Variants in VDAC1 observed in about 807,000 individuals in gnomAD.
The protein encoded by VDAC1 is non-selective voltage-gated ion channel VDAC1.
VDAC1 carries 10 observed loss-of-function variants against 34.7 expected under a neutral mutation model. The ratio of observed to expected loss-of-function variants is 0.29; its 90% CI spans 0.18 to 0.49. The LOEUF is 0.49. Among genes scored for constraint, VDAC1 ranks in the 20% least tolerant of loss-of-function variants. The probability of loss-of-function intolerance (pLI) is 0.99; values close to 1 mark genes in which losing one functional copy is unlikely to be tolerated. For missense variants in VDAC1, 230 were observed against 347.9 expected, an observed-to-expected ratio of 0.66 and a Z score of 2.69; for synonymous variants, 130 against 136.0, an observed-to-expected ratio of 0.96 and a Z score of 0.30.
At chr5:134,093,240 C>T in the VDAC1 span, among the ~76,000 whole-genome samples, 1 of 152,188 alleles carries the variant, frequency 6.6e-6, no homozygotes. Context: ...CCCTTGGCTT[C>T]CTAGAATGGG....
chr5:134,039,536 A>G, the VDAC1 span, among the ~76,000 whole-genome samples: 39 of 152,046 alleles, frequency 2.6e-4, no homozygotes, highest in South Asian at 6.2e-4. Context: ...TCACCGTGTT[A>G]GCCAGGATGG....
At chr5:134,018,287 A>G in the VDAC1 span, among the ~76,000 whole-genome samples, 1 of 152,200 alleles carries the variant, frequency 6.6e-6, no homozygotes, top group South Asian at 2.1e-4. Context: ...TCCTTCAAAC[A>G]ACCAGCTCTA....
intron 5 of VDAC1, chr5:133,989,386 G>A (rs1406803203): frequency 6.7e-6 from 1 of 148,892 alleles, no homozygotes; most frequent in Admixed American, 6.7e-5. Flanking sequence ...TGGAGACAGA[G>A]TCTCTCTCTG....
At chr5:134,046,647 C>A in the VDAC1 span, among the ~76,000 whole-genome samples, 2 of 152,176 alleles carry the variant, frequency 1.3e-5, no homozygotes, top group Admixed American at 1.3e-4. Context: ...ATGGGCTTGA[C>A]CAAGGGCCAG....
At chr5:134,100,211 CCAG>C in the VDAC1 span, among the ~76,000 whole-genome samples, 1 of 152,180 alleles carries the variant, frequency 6.6e-6, no homozygotes, top group African/African-American at 2.4e-5. Flanking sequence ...GGGCTGGTCT[CCAG>C]GAGGAGGAGG....
the VDAC1 span, among the ~76,000 whole-genome samples, chr5:134,043,345 G>A: frequency 1.2e-4 from 18 of 152,082 alleles, no homozygotes; most frequent in East Asian, 1.9e-4. Flanking sequence ...GCAAAGCAAC[G>A]TACTCCAGGT....
chr5:134,073,817 G>A, the VDAC1 span, among the ~76,000 whole-genome samples: 65 of 152,308 alleles, frequency 4.3e-4, no homozygotes, highest in African/African-American at 1.4e-3. Context: ...ACTTGTGTGT[G>A]TGTGTGTGTG....
chr5:134,091,291 C>G, the VDAC1 span, among the ~76,000 whole-genome samples: 3 of 152,200 alleles, frequency 2.0e-5, no homozygotes, highest in Non-Finnish European at 4.4e-5. Context: ...CATCCTTCCC[C>G]CTTCCTCACT....
At chr5:134,071,445 C>A in the VDAC1 span, among the ~76,000 whole-genome samples, 1 of 152,192 alleles carries the variant, frequency 6.6e-6, no homozygotes, top group Admixed American at 6.5e-5. This position sits in a 1 kb window ranked among gnomAD's most constrained non-coding sequence, Gnocchi z 4.1. Flanking sequence ...CTCGGGGGAG[C>A]GCCCTTCTCC....
the VDAC1 span, among the ~76,000 whole-genome samples, chr5:134,104,129 C>A: frequency 6.6e-6 from 1 of 152,216 alleles, no homozygotes; most frequent in South Asian, 2.1e-4. Flanking sequence ...AAACCCCCGC[C>A]CCAACCAAGG....
At chr5:134,075,827 C>A in the VDAC1 span, among the ~76,000 whole-genome samples, 1 of 152,132 alleles carries the variant, frequency 6.6e-6, no homozygotes, top group Non-Finnish European at 1.5e-5. Flanking sequence ...CCTGGTGATT[C>A]GCCCGCCTCA....
At chr5:134,109,329 G>C in the VDAC1 span, among the ~76,000 whole-genome samples, 1 of 152,194 alleles carries the variant, frequency 6.6e-6, no homozygotes, top group Non-Finnish European at 1.5e-5. Flanking sequence ...ATAGGATTTA[G>C]TGCAGGCGTA....
At chr5:134,086,009 A>G in the VDAC1 span, among the ~76,000 whole-genome samples, 4 of 152,162 alleles carry the variant, frequency 2.6e-5, no homozygotes, top group African/African-American at 9.7e-5. Flanking sequence ...CCTGGACAAT[A>G]TGGTGAAACC....
rs1752755846 is a variant in VDAC1 at position 133,982,902 on chromosome 5, A to G, written c.324-1946T>C. Among the ~76,000 whole-genome samples the G allele has an allele frequency of 3.9e-5, 6 of 152,032 alleles. No individual in the cohort carries two copies. The South Asian group carries it at 1.2e-3, about 32-fold the overall frequency. On this transcript the variant is annotated intron_variant, in intron 5 of 8. Coordinates refer to ENST00000265333, the MANE Select transcript of VDAC1 (RefSeq NM_003374.3). ...TAAAACTCAGTCTCAAAAAAAAAAA[A>G]AAAAATCATGAAACAATCATGTAAA... is the stretch of plus-strand genomic sequence containing the variant.
At chr5:133,987,448 C>T (rs186778250) in intron 5 of VDAC1, among the ~76,000 whole-genome samples, 12 of 152,270 alleles carry the variant, frequency 7.9e-5, no homozygotes, top group Admixed American at 5.9e-4. Flanking sequence ...GAGGCTGAGA[C>T]GGGTGGATCG....
the VDAC1 span, among the ~76,000 whole-genome samples, chr5:134,105,439 G>A: frequency 6.6e-6 from 1 of 152,212 alleles, no homozygotes; most frequent in African/African-American, 2.4e-5. Flanking sequence ...TTCCACGTCT[G>A]TAAAATGGGG....
At chr5:134,035,046 A>C in the VDAC1 span, among the ~76,000 whole-genome samples, 36 of 151,974 alleles carry the variant, frequency 2.4e-4, no homozygotes, top group African/African-American at 8.2e-4. Context: ...GAGCAACGAC[A>C]CTCCCAACAA....
chr5:134,055,787 T>C, the VDAC1 span, among the ~76,000 whole-genome samples: 6 of 151,336 alleles, frequency 4.0e-5, no homozygotes, highest in African/African-American at 1.2e-4. Context: ...CTGTAAACTA[T>C]ATAGATTAAA....
the VDAC1 span, among the ~76,000 whole-genome samples, chr5:134,040,532 G>A: frequency 6.6e-6 from 1 of 151,562 alleles, no homozygotes; most frequent in South Asian, 2.1e-4. Flanking sequence ...CCGAGACCAC[G>A]CCATTGCACT....
Sources: gnomAD v4.1 joint callset for allele counts (sites outside exome capture counted in the v4.1 genomes callset) on GRCh38, gnomAD v4.1.1 for gene constraint, Gnocchi (gnomAD v3.1) non-coding constraint, MANE v1.5 for transcripts, NCBI Gene and HGNC (gene_info 2026-07-23, HGNC 2026-07-21) for gene names.